The following MUC15 variants were observed in gnomAD, a reference collection of about 807,000 sequenced individuals.
The protein encoded by MUC15 is mucin 15, cell surface associated.
A neutral mutation model predicts 24.0 loss-of-function variants in MUC15; 23 were observed. The ratio of observed to expected loss-of-function variants is 0.96; its 90% CI spans 0.69 to 1.36. The LOEUF is 1.36. Ranked by LOEUF, MUC15 falls within the 40% of genes most tolerant of loss-of-function variation. The probability of loss-of-function intolerance (pLI) is 0.00; values close to 1 mark genes in which losing one functional copy is unlikely to be tolerated. For synonymous variants in MUC15, 151 were observed against 156.3 expected, an observed-to-expected ratio of 0.97 and a Z score of 0.25; for missense variants, 442 against 428.2, an observed-to-expected ratio of 1.03 and a Z score of -0.29.
At chr11:26,566,377 G>GT (rs1850583869) in intron 2 of MUC15, among the ~76,000 whole-genome samples, 1 of 151,902 alleles carries the variant, frequency 6.6e-6, no homozygotes, top group Admixed American at 6.6e-5. Flanking sequence ...TGACATTACT[G>GT]ACTATACATT....
chr11:26,570,454 A>T (rs71480126), intron 1 of MUC15, among the ~76,000 whole-genome samples: 19,279 of 152,132 alleles, frequency 0.13, 1,495 homozygotes, highest in Non-Finnish European at 0.16. Context: ...TTTTATACCA[A>T]GCTTTGGAAA....
At position 26,563,163 on chromosome 11, in the gene MUC15, G is replaced by A. The variant is rs749905985; in HGVS notation, c.878C>T (p.Thr293Met). ...AAGTCGCCGATGGGAAAATGAATCC[G>A]TTTTCCTTTTTCCACACAACAAGTA... is the stretch of plus-strand genomic sequence containing the variant. Reference protein sequence around the residue: ...VGYLLCGKRKTDSFSHRRLYD... With the variant: ...VGYLLCGKRKMDSFSHRRLYD... The change falls in exon 4 of 5, where the codon ACG becomes ATG. Residue 293 changes from threonine to methionine, a missense_variant. By Grantham distance (81) the Thr-to-Met change is moderately conservative. Transcript: ENST00000529533. The A allele has an allele frequency of 9.3e-6, 15 of 1,611,986 alleles. No homozygotes were observed. Among genetic ancestry groups the A allele is most frequent in the South Asian group, 5.5e-5 (5 of 90,966 alleles).
Position 26,565,691 on chromosome 11 carries a change from G to A in MUC15, c.249C>T (p.Asn83=), listed in dbSNP as rs1167994382. 2 of 1,613,088 alleles carry A rather than the reference G, an allele frequency of 1.2e-6. No homozygotes were observed. The highest frequency in any genetic ancestry group is 2.2e-5 in the East Asian group (1 of 44,854). ...AGGTGGTTATATTTTCTTTATCTGA[G>A]TTTAAGTTTGCTTCACTTTCCAAAG... is the stretch of plus-strand genomic sequence containing the variant. ...PISLESEANL[N]SDKENITTSN... is the part of the protein sequence containing the mutation. The change falls in exon 3 of 5, where the codon AAC becomes AAT. Residue 83 remains asparagine (N), a synonymous_variant. Coordinates refer to ENST00000529533, the MANE Select transcript of MUC15 (RefSeq NM_001135091.2).
At chr11:26,571,842 G>T (rs1850839763) in intron 1 of MUC15, among the ~76,000 whole-genome samples, 199 bp downstream of exon 1, 1 of 152,096 alleles carries the variant, frequency 6.6e-6, no homozygotes, top group Admixed American at 6.6e-5. Context: ...ACTCATTTAG[G>T]AGTGCAAATA....
At position 26,560,983 on chromosome 11, in the gene MUC15, G is replaced by T. The variant is rs1850264596; in HGVS notation, c.*82C>A. On this transcript the variant is annotated 3_prime_UTR_variant, in exon 5 of 5. Coordinates refer to ENST00000529533, the MANE Select transcript of MUC15 (RefSeq NM_001135091.2). ...ACAAAATCCACGTGACAGTAATTTTGTGTAACCTTTTGAAAGATGAATTTG... is the reference window on the plus strand; with the variant it reads ...ACAAAATCCACGTGACAGTAATTTTTTGTAACCTTTTGAAAGATGAATTTG... 2 of 1,385,774 alleles carry T rather than the reference G, an allele frequency of 1.4e-6. No individual in the cohort carries two copies. The highest frequency in any genetic ancestry group is 2.7e-5 in the South Asian group (2 of 75,244). The allele number at this position is 1,385,774 out of a possible 1,614,324, so 85.8% of individuals were successfully genotyped here. A position where few individuals can be genotyped will look rare whatever the true frequency, so the allele number is the denominator to read the frequency against.
At chr11:26,568,867 C>T (rs979907424) in intron 1 of MUC15, among the ~76,000 whole-genome samples, 6 of 152,024 alleles carry the variant, frequency 3.9e-5, no homozygotes, top group Non-Finnish European at 7.4e-5. Flanking sequence ...ACATAATGCT[C>T]CTTTTCATTA....
In MUC15 at chr11:26,559,724, A is replaced by T. The variant is rs778610252; in HGVS notation, c.*1341T>A. The T allele has an allele frequency of 2.5e-6, 4 of 1,611,054 alleles. No homozygotes were observed. The highest frequency in any genetic ancestry group is 2.5e-6 in the Non-Finnish European group (3 of 1,177,650). On this transcript the variant is annotated 3_prime_UTR_variant, in exon 5 of 5. Coordinates refer to ENST00000529533, the MANE Select transcript of MUC15 (RefSeq NM_001135091.2). ...TCTGTTTGTTTTCTACTCAGGTGAC[A>T]TATTTGTTCGATAATGGAGGGACAG...
chr11:26,571,629 CT>C (rs957101709), intron 1 of MUC15, among the ~76,000 whole-genome samples: 2 of 152,026 alleles, frequency 1.3e-5, no homozygotes, highest in African/African-American at 4.8e-5. Flanking sequence ...AAGCAAAAAC[CT>C]TTCAGCACAA....
intron 1 of MUC15, among the ~76,000 whole-genome samples, chr11:26,567,567 T>G (rs1399115835): frequency 2.0e-5 from 3 of 152,024 alleles, no homozygotes; most frequent in Admixed American, 6.6e-5. Context: ...ATCTATAATA[T>G]ATGTTAGTTA....
intron 1 of MUC15, among the ~76,000 whole-genome samples, chr11:26,570,315 A>G (rs1166518783): frequency 6.6e-6 from 1 of 152,070 alleles, no homozygotes; most frequent in African/African-American, 2.4e-5. Flanking sequence ...AGAAAAAACA[A>G]AAACAAAAAA....
chr11:26,559,663 A>G lies in MUC15; in HGVS notation c.*1402T>C. The G allele has an allele frequency of 7.9e-7, 1 of 1,270,626 alleles. No homozygotes were observed. Among genetic ancestry groups the G allele is most frequent in the South Asian group, 1.2e-5 (1 of 84,098 alleles). The allele number at this position is 1,270,626 out of a possible 1,614,324, so 78.7% of individuals were successfully genotyped here. A position where few individuals can be genotyped will look rare whatever the true frequency, so the allele number is the denominator to read the frequency against. On this transcript the variant is annotated 3_prime_UTR_variant, in exon 5 of 5. Coordinates refer to ENST00000529533, the MANE Select transcript of MUC15 (RefSeq NM_001135091.2). ...TAGTACCTGAGTGCAAACAGTATTC[A>G]CTGGCTTATTATAATCAATTTGCAT...
rs755251943 is a variant in MUC15, at chr11:26,563,128, T to G, written c.913A>C (p.Arg305=). The G allele has an allele frequency of 6.2e-7, 1 of 1,611,830 alleles. No individual in the cohort carries two copies. The highest frequency in any genetic ancestry group is 1.7e-5 in the Admixed American group (1 of 59,764). The change falls in exon 4 of 5, where the codon AGA becomes CGA. Residue 305 remains arginine (R), a synonymous_variant. Coordinates refer to ENST00000529533, the MANE Select transcript of MUC15 (RefSeq NM_001135091.2). The stretch of plus-strand genomic sequence containing the variant: ...AAATAGATTTTACCTGGTTCATTTC[T>G]GTCGTCATAAAGTCGCCGATGGGAA... The part of the protein sequence containing the change: ...SFSHRRLYDD[R]NEPVLRLDNA...
At chr11:26,566,928 C>G in intron 2 of MUC15, 124 bp downstream of exon 2, 1 of 852,772 alleles carries the variant, frequency 1.2e-6, no homozygotes, top group South Asian at 5.4e-5. Flanking sequence ...GCACTCTAAA[C>G]AAGATCTAGC....
intron 3 of MUC15, among the ~76,000 whole-genome samples, chr11:26,564,732 CATATATATATATATATATATAT>C (rs66510170): frequency 2.4e-3 from 62 of 25,406 alleles, no homozygotes; most frequent in Admixed American, 6.9e-3. Flanking sequence ...CACACACACA[CATATATATATATATATATATAT>C]ATATATATAT....
intron 1 of MUC15, among the ~76,000 whole-genome samples, chr11:26,571,083 G>T (rs1850806004): frequency 6.6e-6 from 1 of 152,084 alleles, no homozygotes; most frequent in African/African-American, 2.4e-5. Flanking sequence ...GTAACTACAG[G>T]AAAAATGTAG....
At chr11:26,561,616 A>G (rs142693012) in intron 4 of MUC15, among the ~76,000 whole-genome samples, 1,937 of 152,050 alleles carry the variant, frequency 0.013, 47 homozygotes, top group African/African-American at 0.044. Context: ...AGTGAAGTCA[A>G]TAATTTTTAA....
At chr11:26,562,060 T>G (rs778210236) in intron 4 of MUC15, among the ~76,000 whole-genome samples, 61 of 151,894 alleles carry the variant, frequency 4.0e-4, no homozygotes, top group Non-Finnish European at 8.1e-4. Flanking sequence ...ATTGAGTTAT[T>G]CTTTTATGCC....
At chr11:26,563,002 T>A (rs1850354047) in intron 4 of MUC15, 114 bp downstream of exon 4, 49 of 1,403,350 alleles carry the variant, frequency 3.5e-5, no homozygotes, top group Non-Finnish European at 4.6e-5. Flanking sequence ...GTCTTTAGTT[T>A]GTTCATTCAT....
At chr11:26,569,294 G>C (rs1453536888) in intron 1 of MUC15, among the ~76,000 whole-genome samples, 1 of 152,110 alleles carries the variant, frequency 6.6e-6, no homozygotes, top group East Asian at 1.9e-4. Flanking sequence ...AGGAAAAGGA[G>C]AGAAATGGAA....
Sources: gnomAD v4.1 joint callset for allele counts (sites outside exome capture counted in the v4.1 genomes callset) on GRCh38, gnomAD v4.1.1 for gene constraint, MANE v1.5 for transcripts, NCBI Gene and HGNC (gene_info 2026-07-23, HGNC 2026-07-21) for gene names.